The following RALGPS2 variants were observed in gnomAD, a reference collection of about 807,000 sequenced individuals.
RALGPS2 encodes Ral GEF with PH domain and SH3 binding motif 2, also known as ras-specific guanine nucleotide-releasing factor RalGPS2.
RALGPS2 carries 43 observed loss-of-function variants against 86.8 expected under a neutral mutation model. That is an observed-to-expected ratio of 0.50 (90% confidence interval 0.39 to 0.64). The LOEUF (loss-of-function observed/expected upper bound fraction) is 0.64, where lower values mean the gene tolerates loss of function less well. Ranked by LOEUF, RALGPS2 falls within the 30% of genes least tolerant of loss-of-function variation. The pLI is 0.00. For missense variants in RALGPS2, 536 were observed against 694.6 expected (o/e 0.77, Z 2.57); for synonymous variants, 243 against 231.3 (o/e 1.05, Z -0.46).
intron 1 of RALGPS2, among the ~76,000 whole-genome samples, chr1:178,756,882 G>A (rs1199736698): frequency 6.6e-6 from 1 of 152,082 alleles, no homozygotes; most frequent in Non-Finnish European, 1.5e-5. Context: ...GTTTAGGGAG[G>A]AGTCCCTCCT....
Position 178,763,160 on chromosome 1 carries a change from A to G in RALGPS2, c.-83-13522A>G, listed in dbSNP as rs140595680. On this transcript the variant is annotated intron_variant, in intron 1 of 19. Coordinates refer to ENST00000367635, the MANE Select transcript of RALGPS2 (RefSeq NM_152663.5). ...TTGTGAAAGATCAGATTGTAGGTGT[A>G]TGGCCTTATTTTTGTGCTCTCTATT... 6.0e-3 allele frequency among the ~76,000 whole-genome samples: 906 copies of G among 152,032 alleles called. 15 individuals are homozygous for G. Among genetic ancestry groups the G allele is most frequent in the African/African-American group, 0.021 (878 of 41,462 alleles).
At chr1:178,824,518 A>G (rs1375151025) in intron 7 of RALGPS2, among the ~76,000 whole-genome samples, 1 of 152,132 alleles carries the variant, frequency 6.6e-6, no homozygotes, top group African/African-American at 2.4e-5. Context: ...GAGTTTATCC[A>G]TTTTACGCCG....
At chr1:178,888,719 A>G (rs1659594326) in intron 13 of RALGPS2, among the ~76,000 whole-genome samples, 2 of 152,172 alleles carry the variant, frequency 1.3e-5, no homozygotes, top group Non-Finnish European at 2.9e-5. Flanking sequence ...CAAGGATGGT[A>G]CATAACTAGT....
chr1:178,819,316 A>G (rs1655387868), intron 6 of RALGPS2, among the ~76,000 whole-genome samples: 1 of 152,056 alleles, frequency 6.6e-6, no homozygotes, highest in Admixed American at 6.6e-5. Context: ...ACTATGAAGT[A>G]GTTATTTGGG....
chr1:178,915,353 A>G (rs1426124554), intron 19 of RALGPS2, among the ~76,000 whole-genome samples: 1 of 152,088 alleles, frequency 6.6e-6, no homozygotes, highest in East Asian at 1.9e-4. Context: ...CTCCTGCCTC[A>G]GCCTCCTGAG....
At chr1:178,741,102 T>C (rs1328059102) in intron 1 of RALGPS2, among the ~76,000 whole-genome samples, 1 of 152,226 alleles carries the variant, frequency 6.6e-6, no homozygotes, top group Non-Finnish European at 1.5e-5. Context: ...CCTTACTGAT[T>C]CACTTGGAGC....
intron 1 of RALGPS2, among the ~76,000 whole-genome samples, chr1:178,767,486 C>T (rs1434984778): frequency 6.6e-6 from 1 of 151,724 alleles, no homozygotes; most frequent in Non-Finnish European, 1.5e-5. Context: ...AAGGAGCCCC[C>T]TCTGTTTACT....
At position 178,823,292 on chromosome 1, in the gene RALGPS2, G is replaced by A. The variant is rs547865599; in HGVS notation, c.480+1588G>A. Among the ~76,000 whole-genome samples the A allele has an allele frequency of 3.9e-5, 6 of 152,280 alleles. No individual in the cohort carries two copies. In the East Asian group the frequency reaches 9.6e-4, roughly 24 times the overall value. ...ATCTGAATAAAACTTTTGATGGTTT[G>A]TATTTTAAAATATTTCATACTGTGC... On this transcript the variant is annotated intron_variant, in intron 7 of 19. Transcript: ENST00000367635.
At chr1:178,819,355 C>T (rs1044212102) in intron 6 of RALGPS2, among the ~76,000 whole-genome samples, 2 of 152,170 alleles carry the variant, frequency 1.3e-5, no homozygotes, top group Admixed American at 6.5e-5. Flanking sequence ...CCCCTCCCCT[C>T]TTCCCTTAGC....
intron 1 of RALGPS2, among the ~76,000 whole-genome samples, chr1:178,757,473 C>G (rs570094314): frequency 6.6e-6 from 1 of 152,150 alleles, no homozygotes; most frequent in African/African-American, 2.4e-5. Context: ...CCTTTGATGC[C>G]TAGTTTTTTT....
chr1:178,741,990 G>A (rs188219429), intron 1 of RALGPS2, among the ~76,000 whole-genome samples: 1 of 151,986 alleles, frequency 6.6e-6, no homozygotes, highest in African/African-American at 2.4e-5. Context: ...ACAAAAATTA[G>A]CCGGGCATGG....
chr1:178,853,019 C>T, intron 8 of RALGPS2: 1 of 1,520,530 alleles, frequency 6.6e-7, no homozygotes, highest in Non-Finnish European at 8.8e-7. Flanking sequence ...TTTTACAGAG[C>T]AGTGTTAAAC....
intron 1 of RALGPS2, among the ~76,000 whole-genome samples, chr1:178,761,557 A>G (rs1652242022): frequency 6.6e-6 from 1 of 150,696 alleles, no homozygotes; most frequent in Non-Finnish European, 1.5e-5. Flanking sequence ...AATTGTTTTT[A>G]TTTGTTTGTT....
intron 6 of RALGPS2, among the ~76,000 whole-genome samples, chr1:178,816,285 T>C (rs755332284): frequency 2.0e-5 from 3 of 152,294 alleles, no homozygotes; most frequent in Non-Finnish European, 4.4e-5. Flanking sequence ...TTTTTGGGTG[T>C]GTAATAGTAT....
At chr1:178,833,877 G>A (rs1656143943) in intron 8 of RALGPS2, among the ~76,000 whole-genome samples, 1 of 152,104 alleles carries the variant, frequency 6.6e-6, no homozygotes, top group Non-Finnish European at 1.5e-5. Flanking sequence ...AATACATTAA[G>A]GAAATTGATC....
intron 10 of RALGPS2, among the ~76,000 whole-genome samples, chr1:178,880,514 C>G (rs1659200354): frequency 6.6e-6 from 1 of 152,136 alleles, no homozygotes; most frequent in Non-Finnish European, 1.5e-5. Flanking sequence ...AGTTGTTTCA[C>G]AAATCTGTTG....
rs1463775265 is a variant in RALGPS2 at position 178,916,727 on chromosome 1, A to G, written c.*368A>G. On this transcript the variant is annotated 3_prime_UTR_variant, in exon 20 of 20. Transcript: ENST00000367635. Reference sequence around the variant, plus strand: ...TAATTTGCATTTCTTTTAACTTTGTAATAATTTTAGAGGGGGGAATTGCCT... The same window carrying G: ...TAATTTGCATTTCTTTTAACTTTGTGATAATTTTAGAGGGGGGAATTGCCT... The G allele has an allele frequency of 1.0e-5, 2 of 200,790 alleles. No homozygotes were observed. Among genetic ancestry groups the G allele is most frequent in the Non-Finnish European group, 2.0e-5 (2 of 100,700 alleles). 12.4% of individuals were successfully genotyped at this position (200,790 alleles called of 1,614,324 possible). A position where few individuals can be genotyped will look rare whatever the true frequency, so the allele number is the denominator to read the frequency against.
chr1:178,806,890 G>A (rs150043825), intron 4 of RALGPS2, among the ~76,000 whole-genome samples: 164 of 152,206 alleles, frequency 1.1e-3, no homozygotes, highest in African/African-American at 3.6e-3. Context: ...GGACTCGTCC[G>A]GCAGGCTGAA....
At chr1:178,877,461 A>C (rs1319535108) in intron 8 of RALGPS2, 37 bp from the exon 9 acceptor site, 1 of 1,609,526 alleles carries the variant, frequency 6.2e-7, no homozygotes, top group South Asian at 1.1e-5. Flanking sequence ...CCCAACCTAC[A>C]ACTAAGAAAA....
Sources: allele counts gnomAD v4.1 joint callset (sites outside exome capture counted in the v4.1 genomes callset), GRCh38; gene constraint gnomAD v4.1.1; transcripts MANE v1.5; gene names NCBI Gene and HGNC (gene_info 2026-07-23, HGNC 2026-07-21).